Variants in NAALADL2 observed in about 807,000 individuals in gnomAD.
NAALADL2 encodes inactive N-acetylated-alpha-linked acidic dipeptidase-like protein 2.
Under a neutral mutation model 87.2 loss-of-function variants are expected in NAALADL2, and 76 were observed. The ratio of observed to expected loss-of-function variants is 0.87; its 90% confidence interval spans 0.72 to 1.05. The LOEUF is 1.05. Ranked by LOEUF, NAALADL2 falls within the 50% of genes least tolerant of loss-of-function variation. The pLI is 0.00. For missense variants in NAALADL2, 1,089 were observed against 945.8 expected, an observed-to-expected ratio of 1.15 and a Z score of -1.99; for synonymous variants, 354 against 331.0, an observed-to-expected ratio of 1.07 and a Z score of -0.75.
At chr3:175,266,194 T>A (rs566030244) in intron 4 of NAALADL2, among the ~76,000 whole-genome samples, 1 of 150,978 alleles carries the variant, frequency 6.6e-6, no homozygotes, top group African/African-American at 2.4e-5. Flanking sequence ...AAATATCTTA[T>A]GAATTTTCCT....
chr3:175,318,871 G>A (rs1441254475), intron 4 of NAALADL2, among the ~76,000 whole-genome samples: 2 of 152,166 alleles, frequency 1.3e-5, no homozygotes, highest in African/African-American at 2.4e-5. Flanking sequence ...TCATGTACAT[G>A]GAATTATACA....
At chr3:174,457,819 A>C (rs201552042) in intron 1 of NAALADL2, among the ~76,000 whole-genome samples, 3 of 105,438 alleles carry the variant, frequency 2.8e-5, no homozygotes, top group African/African-American at 9.9e-5. Flanking sequence ...TCAAAAAAAC[A>C]AAAAAAAAAA....
At chr3:174,762,889 A>G (rs1713222016) in intron 3 of NAALADL2, among the ~76,000 whole-genome samples, 2 of 152,248 alleles carry the variant, frequency 1.3e-5, no homozygotes, top group African/African-American at 4.8e-5. Context: ...TTACAAAGAT[A>G]TCTTCTTAAT....
chr3:175,385,202 T>C (rs1768231041), intron 5 of NAALADL2, among the ~76,000 whole-genome samples: 2 of 152,038 alleles, frequency 1.3e-5, no homozygotes, highest in Admixed American at 6.6e-5. Context: ...ATTCAAAGCA[T>C]AAGGACAAGA....
Position 175,131,987 on chromosome 3 carries a change from G to A in NAALADL2, c.545+34696G>A, listed in dbSNP as rs1196390406. Among the ~76,000 whole-genome samples, 7 of 117,896 alleles carry A rather than the reference G, an allele frequency of 5.9e-5. 2 individuals carry two copies. The East Asian group carries it at 1.9e-3, about 32-fold the overall frequency. The allele number at this position is 117,896 out of a possible 152,430, so 77.3% of individuals were successfully genotyped here. On this transcript the variant is annotated intron_variant, in intron 2 of 13. Transcript: ENST00000454872. ...CACCTCCCGGACGGGGCAGCTGGCCGGGAGGGGGACTGACCCCCCCACCTC... is the reference window on the plus strand; with the variant it reads ...CACCTCCCGGACGGGGCAGCTGGCCAGGAGGGGGACTGACCCCCCCACCTC...
chr3:174,907,871 A>G (rs143854512), intron 1 of NAALADL2, among the ~76,000 whole-genome samples: 1 of 152,262 alleles, frequency 6.6e-6, no homozygotes, highest in East Asian at 1.9e-4. Context: ...ACTAGGTGCA[A>G]GACTCAGAAT....
intron 1 of NAALADL2, among the ~76,000 whole-genome samples, chr3:175,006,339 T>C (rs541233188): frequency 6.6e-5 from 10 of 152,292 alleles, no homozygotes; most frequent in African/African-American, 2.4e-4. Context: ...TGTTTCTATA[T>C]ACTATACTTT....
At chr3:174,505,057 A>G (rs144217795) in intron 1 of NAALADL2, among the ~76,000 whole-genome samples, 32 of 152,306 alleles carry the variant, frequency 2.1e-4, no homozygotes, top group African/African-American at 7.0e-4. Context: ...AAAAACTTAA[A>G]ATATACTGTA....
intron 2 of NAALADL2, among the ~76,000 whole-genome samples, chr3:174,720,470 A>G (rs1271838569): frequency 2.0e-5 from 3 of 152,170 alleles, no homozygotes; most frequent in Non-Finnish European, 4.4e-5. Flanking sequence ...ATATGAATAT[A>G]AAAACAAAAA....
intron 1 of NAALADL2, among the ~76,000 whole-genome samples, chr3:174,450,020 TACACAC>T (rs35861742): frequency 4.4e-4 from 65 of 148,882 alleles, no homozygotes; most frequent in East Asian, 1.8e-3. Context: ...AACACATACA[TACACAC>T]ACACACACAC....
chr3:174,504,421 A>T (rs1354343208), intron 1 of NAALADL2, among the ~76,000 whole-genome samples: 1 of 152,128 alleles, frequency 6.6e-6, no homozygotes, highest in Admixed American at 6.5e-5. Flanking sequence ...CAAACCAGAC[A>T]TGGCTCTACA....
At chr3:175,014,415 C>G (rs1357712530) in intron 1 of NAALADL2, among the ~76,000 whole-genome samples, 1 of 152,064 alleles carries the variant, frequency 6.6e-6, no homozygotes, top group Non-Finnish European at 1.5e-5. Flanking sequence ...ACACATTTTA[C>G]TGCTTCATAT....
chr3:174,794,279 A>G (rs1398033271), intron 3 of NAALADL2, among the ~76,000 whole-genome samples: 1 of 152,178 alleles, frequency 6.6e-6, no homozygotes, highest in East Asian at 1.9e-4. Context: ...AGCGGCAAGT[A>G]TTTTACTTTA....
rs149636420 is a variant in NAALADL2 at position 174,738,802 on chromosome 3, A to G, written c.-9+1056A>G. Among the ~76,000 whole-genome samples, 460 of 152,338 alleles carry G rather than the reference A, an allele frequency of 3.0e-3. 2 individuals are homozygous for G. Among genetic ancestry groups the G allele is most frequent in the African/African-American group, 0.011 (441 of 41,592 alleles). Reference sequence around the variant, plus strand: ...AGTAATTAAAACTAAATAAGTAAAAATTAAACCATTTTTGGTTTGCATTTC... The same window carrying G: ...AGTAATTAAAACTAAATAAGTAAAAGTTAAACCATTTTTGGTTTGCATTTC... On this transcript the variant is annotated intron_variant, in intron 3 of 3. Transcript: ENST00000434257.
intron 12 of NAALADL2, among the ~76,000 whole-genome samples, chr3:175,745,543 A>G (rs1411770466): frequency 1.3e-5 from 2 of 152,160 alleles, no homozygotes; most frequent in African/African-American, 4.8e-5. Flanking sequence ...ACCTAATGCA[A>G]TGTAAATGCT....
At chr3:174,580,581 C>A (rs1716056178) in intron 2 of NAALADL2, among the ~76,000 whole-genome samples, 1 of 152,014 alleles carries the variant, frequency 6.6e-6, no homozygotes, top group South Asian at 2.1e-4. Flanking sequence ...TGTTTCCAGG[C>A]AGCCATTAAT....
chr3:175,009,985 T>G (rs555665688), intron 1 of NAALADL2, among the ~76,000 whole-genome samples: 1 of 152,140 alleles, frequency 6.6e-6, no homozygotes, highest in Non-Finnish European at 1.5e-5. Flanking sequence ...GTTTCTTGAC[T>G]ATGAGCTTAA....
At chr3:175,772,419 GA>G (rs1163832484) in intron 13 of NAALADL2, among the ~76,000 whole-genome samples, 4 of 152,120 alleles carry the variant, frequency 2.6e-5, no homozygotes, top group Admixed American at 1.3e-4. Context: ...GGAGGAGGAA[GA>G]AAAGATGCTT....
intron 9 of NAALADL2, among the ~76,000 whole-genome samples, chr3:175,477,298 T>C (rs1039308848): frequency 4.6e-5 from 7 of 152,164 alleles, no homozygotes; most frequent in Non-Finnish European, 1.0e-4. Flanking sequence ...TCTAAATCTC[T>C]TCTAACACTT....
Sources: allele counts gnomAD v4.1 joint callset (sites outside exome capture counted in the v4.1 genomes callset), GRCh38; gene constraint gnomAD v4.1.1; transcripts MANE v1.5; gene names NCBI Gene and HGNC (gene_info 2026-07-23, HGNC 2026-07-21).